Variants in NME7 observed in about 807,000 individuals in gnomAD.
NME7 encodes NME/NM23 family member 7.
In NME7, 41 loss-of-function variants were observed where a neutral mutation model predicts 49.1. That is an observed-to-expected ratio of 0.83 (90% CI 0.65 to 1.08). The LOEUF (loss-of-function observed/expected upper bound fraction) is 1.08. Ranked by LOEUF, NME7 falls within the 50% of genes least tolerant of loss-of-function variation. The pLI is 0.00. For missense variants in NME7, 423 were observed against 463.4 expected (o/e 0.91, Z 0.80); for synonymous variants, 139 against 150.6 (o/e 0.92, Z 0.56).
At chr1:169,345,989 G>C (rs1477521959) in intron 1 of NME7, among the ~76,000 whole-genome samples, 2 of 151,974 alleles carry the variant, frequency 1.3e-5, no homozygotes, top group Non-Finnish European at 2.9e-5. Flanking sequence ...TTTTCTCTCA[G>C]ACCATAGATC....
intron 3 of NME7, among the ~76,000 whole-genome samples, chr1:169,312,402 T>C (rs945384171): frequency 2.0e-5 from 3 of 152,338 alleles, no homozygotes; most frequent in Admixed American, 6.5e-5. Flanking sequence ...GTATGATTCA[T>C]TGAGAGCCAT....
intron 1 of NME7, among the ~76,000 whole-genome samples, chr1:169,335,994 C>G (rs1652453120): frequency 1.3e-5 from 2 of 151,876 alleles, no homozygotes; most frequent in Admixed American, 1.3e-4. Flanking sequence ...GCCGTGGACC[C>G]TCGCAGTGAG....
At chr1:169,164,436 A>G (rs1282297246) in intron 11 of NME7, among the ~76,000 whole-genome samples, 8 of 152,186 alleles carry the variant, frequency 5.3e-5, no homozygotes, top group Non-Finnish European at 1.2e-4. Flanking sequence ...AACTACTATC[A>G]TTTGTTGAGC....
At chr1:169,321,667 A>C (rs749200102) in intron 3 of NME7, among the ~76,000 whole-genome samples, 1 of 152,178 alleles carries the variant, frequency 6.6e-6, no homozygotes, top group South Asian at 2.1e-4. Flanking sequence ...CCATTTGTGT[A>C]CTAACACCCA....
At chr1:169,213,866 T>C (rs1033571500) in intron 10 of NME7, among the ~76,000 whole-genome samples, 1 of 151,712 alleles carries the variant, frequency 6.6e-6, no homozygotes, top group Admixed American at 6.6e-5. Flanking sequence ...TACACACACA[T>C]ACAGGGTGTA....
chr1:169,289,892 T>A (rs1650432364), intron 6 of NME7, among the ~76,000 whole-genome samples: 1 of 152,080 alleles, frequency 6.6e-6, no homozygotes, highest in Non-Finnish European at 1.5e-5. Flanking sequence ...ACAAAAATAA[T>A]ATCCAGGCTT....
chr1:169,248,201 T>C (rs919838030), intron 7 of NME7, among the ~76,000 whole-genome samples: 3 of 152,214 alleles, frequency 2.0e-5, no homozygotes, highest in African/African-American at 4.8e-5. Flanking sequence ...CAGTATCTCA[T>C]TGTATTTTTA....
intron 1 of NME7, among the ~76,000 whole-genome samples, chr1:169,345,519 T>C (rs1354061893): frequency 2.0e-5 from 3 of 152,184 alleles, no homozygotes; most frequent in Middle Eastern, 3.4e-3. Flanking sequence ...GAGTGAACCA[T>C]CACACTCTGC....
At chr1:169,238,920 G>A (rs1292985104) in intron 7 of NME7, among the ~76,000 whole-genome samples, 3 of 151,828 alleles carry the variant, frequency 2.0e-5, no homozygotes, top group Admixed American at 6.6e-5. Flanking sequence ...TCCTTGCTAC[G>A]AATTTGCAAA....
intron 11 of NME7, among the ~76,000 whole-genome samples, chr1:169,156,228 T>C (rs780940774): frequency 6.6e-6 from 1 of 151,674 alleles, no homozygotes; most frequent in Non-Finnish European, 1.5e-5. Flanking sequence ...AGGGATCACT[T>C]GAGCCTGGGA....
intron 7 of NME7, among the ~76,000 whole-genome samples, chr1:169,255,690 A>G (rs1416328480): frequency 1.6e-5 from 2 of 127,914 alleles, no homozygotes; most frequent in African/African-American, 5.3e-5. Flanking sequence ...ATGATTTTGC[A>G]GCGGCTGGTA....
intron 11 of NME7, among the ~76,000 whole-genome samples, chr1:169,137,313 T>G (rs2101804920): frequency 1.3e-5 from 2 of 152,364 alleles, no homozygotes; most frequent in Admixed American, 1.3e-4. Flanking sequence ...AGGCCTGACA[T>G]TTTTATTCTG....
intron 11 of NME7, among the ~76,000 whole-genome samples, chr1:169,137,290 A>C (rs1313052314): frequency 1.3e-5 from 2 of 152,134 alleles, no homozygotes. Flanking sequence ...ATTCTTAATG[A>C]ATTTTGAAAA....
chr1:169,159,903 C>G (rs1659193563), intron 11 of NME7, among the ~76,000 whole-genome samples: 2 of 152,134 alleles, frequency 1.3e-5, no homozygotes, highest in African/African-American at 4.8e-5. Context: ...GAATTTGAGT[C>G]ACCATTTTCT....
intron 11 of NME7, among the ~76,000 whole-genome samples, chr1:169,141,978 CATT>C (rs1390209857): frequency 6.6e-6 from 1 of 152,124 alleles, no homozygotes; most frequent in African/African-American, 2.4e-5. Flanking sequence ...TGTGAAATGT[CATT>C]ATTTCTACTC....
At chr1:169,149,225 C>T (rs1271118646) in intron 11 of NME7, among the ~76,000 whole-genome samples, 1 of 152,092 alleles carries the variant, frequency 6.6e-6, no homozygotes, top group Non-Finnish European at 1.5e-5. Flanking sequence ...CCTGTAGTCC[C>T]AGCTACTCGG....
chr1:169,279,620 C>T (rs1410156833), intron 7 of NME7, among the ~76,000 whole-genome samples: 2 of 152,236 alleles, frequency 1.3e-5, no homozygotes, highest in Non-Finnish European at 2.9e-5. Flanking sequence ...AAAGGGAACT[C>T]CCTGACCCCT....
chr1:169,322,303 A>T (rs1651876828), intron 3 of NME7: 1 of 152,232 alleles, frequency 6.6e-6, no homozygotes, highest in African/African-American at 2.4e-5. Context: ...AATAGAGAGA[A>T]GAACAGGGAC....
intron 8 of NME7, among the ~76,000 whole-genome samples, chr1:169,237,344 A>G (rs1292286598): frequency 2.0e-5 from 3 of 152,046 alleles, no homozygotes; most frequent in Non-Finnish European, 2.9e-5. Context: ...TTTGGTCCTT[A>G]TTTATTTTGC....
Sources: allele counts gnomAD v4.1 joint callset (sites outside exome capture counted in the v4.1 genomes callset), GRCh38; gene constraint gnomAD v4.1.1; transcripts MANE v1.5; gene names NCBI Gene and HGNC (gene_info 2026-07-23, HGNC 2026-07-21).